CACNA2D3: variants seen among roughly 807,000 people sequenced by gnomAD.
CACNA2D3 encodes the protein calcium voltage-gated channel auxiliary subunit alpha2delta 3.
A neutral mutation model predicts 160.6 loss-of-function variants in CACNA2D3; 60 were observed. The ratio of observed to expected loss-of-function variants is 0.37; its 90% CI spans 0.30 to 0.46. The LOEUF (loss-of-function observed/expected upper bound fraction) is 0.46, where lower values mean the gene tolerates loss of function less well. Among genes scored for constraint, CACNA2D3 ranks in the 20% least tolerant of loss-of-function variants. CACNA2D3 has a pLI of 1.00. For synonymous variants in CACNA2D3, 558 were observed against 492.9 expected (o/e 1.13, Z -1.75); for missense variants, 1,205 against 1,365.0 (o/e 0.88, Z 1.85).
chr3:55,065,162 C>G (rs1328202950), intron 35 of CACNA2D3, among the ~76,000 whole-genome samples: 1 of 152,178 alleles, frequency 6.6e-6, no homozygotes, highest in Non-Finnish European at 1.5e-5. Context: ...GGATTTCTGT[C>G]CAGTGTCTTT....
chr3:54,885,258 A>G (rs781274849), intron 21 of CACNA2D3, 23 bp from the exon 22 acceptor site: 1 of 1,613,448 alleles, frequency 6.2e-7, no homozygotes, highest in South Asian at 1.1e-5. Context: ...CTTATTCATG[A>G]ACCCCTTCTC....
chr3:54,123,111 C>G (rs1312989035), intron 1 of CACNA2D3, among the ~76,000 whole-genome samples: 1 of 152,072 alleles, frequency 6.6e-6, no homozygotes, highest in East Asian at 1.9e-4. Context: ...CTTCCATGGG[C>G]CGCTGAATTT....
intron 35 of CACNA2D3, among the ~76,000 whole-genome samples, chr3:55,036,717 C>T (rs140624235): frequency 2.0e-5 from 3 of 152,032 alleles, no homozygotes; most frequent in East Asian, 3.9e-4. Flanking sequence ...CCACCCACCT[C>T]GGCTTCCCAA....
chr3:54,949,359 G>T (rs1021000242), intron 27 of CACNA2D3, among the ~76,000 whole-genome samples: 8 of 152,138 alleles, frequency 5.3e-5, no homozygotes, highest in African/African-American at 1.9e-4. Flanking sequence ...GCTGAAAAAA[G>T]GGGACATGCC....
Position 54,542,655 on chromosome 3 carries a change from G to A in CACNA2D3, c.545-20145G>A, listed in dbSNP as rs144731485. Among the ~76,000 whole-genome samples, 725 of 152,220 alleles carry A rather than the reference G, an allele frequency of 4.8e-3. 2 individuals are homozygous for A. The highest frequency in any genetic ancestry group is 7.6e-3 in the Non-Finnish European group (515 of 68,022). Reference sequence around the variant, plus strand: ...ACATGAAGGCCGGCAGACTCAGCAAGTCTACTTTTCCACCTTCTCCTGCTT... The same window carrying A: ...ACATGAAGGCCGGCAGACTCAGCAAATCTACTTTTCCACCTTCTCCTGCTT... On this transcript the variant is annotated intron_variant, in intron 5 of 37. Coordinates refer to ENST00000474759, the MANE Select transcript of CACNA2D3 (RefSeq NM_018398.3).
At chr3:54,473,100 G>A (rs1352765201) in intron 4 of CACNA2D3, among the ~76,000 whole-genome samples, 1 of 152,136 alleles carries the variant, frequency 6.6e-6, no homozygotes, top group Non-Finnish European at 1.5e-5. Context: ...AAAGAATAAA[G>A]CTGGAGGCAT....
At chr3:54,377,652 T>G (rs926790317) in intron 3 of CACNA2D3, among the ~76,000 whole-genome samples, 2 of 152,226 alleles carry the variant, frequency 1.3e-5, no homozygotes, top group African/African-American at 4.8e-5. Flanking sequence ...TCAGAGAAGT[T>G]AAGACTTGCC....
At chr3:54,976,720 T>A (rs116628754) in intron 29 of CACNA2D3, among the ~76,000 whole-genome samples, 2,638 of 152,308 alleles carry the variant, frequency 0.017, 69 homozygotes, top group African/African-American at 0.06. Flanking sequence ...GCCACTCCCC[T>A]ATTTTTGCAG....
chr3:55,061,774 G>A (rs968662275), intron 35 of CACNA2D3, among the ~76,000 whole-genome samples: 8 of 152,172 alleles, frequency 5.3e-5, no homozygotes, highest in African/African-American at 1.9e-4. Context: ...ACCCATCTCT[G>A]AACCCATTGC....
chr3:54,498,159 A>AT (rs1310218997), intron 4 of CACNA2D3, among the ~76,000 whole-genome samples: 11 of 151,242 alleles, frequency 7.3e-5, no homozygotes, highest in Non-Finnish European at 1.0e-4. Context: ...GATTGTTTGT[A>AT]TTTTTTTCTC....
At chr3:54,683,993 G>T (rs488451) in intron 11 of CACNA2D3, among the ~76,000 whole-genome samples, 28 of 138,190 alleles carry the variant, frequency 2.0e-4, no homozygotes, top group African/African-American at 7.1e-4. Context: ...TTTTTGAGAC[G>T]GAGTTTCACT....
chr3:54,164,955 TA>T (rs767777212), intron 2 of CACNA2D3, among the ~76,000 whole-genome samples: 11 of 152,148 alleles, frequency 7.2e-5, no homozygotes, highest in East Asian at 3.9e-4. Context: ...TGGGCCATGC[TA>T]GGGGGATCAG....
intron 11 of CACNA2D3, among the ~76,000 whole-genome samples, chr3:54,723,369 C>T (rs757349424): frequency 5.9e-5 from 9 of 152,290 alleles, no homozygotes; most frequent in South Asian, 4.1e-4. Flanking sequence ...ACTTGGCTCC[C>T]TGGCTTCAGC....
At chr3:54,577,076 A>G (rs1253233712) in intron 8 of CACNA2D3, among the ~76,000 whole-genome samples, 1 of 152,132 alleles carries the variant, frequency 6.6e-6, no homozygotes, top group Admixed American at 6.5e-5. Context: ...AAAGGAAAAA[A>G]GGCCTTATGT....
At chr3:54,814,973 C>G (rs1703414515) in intron 13 of CACNA2D3, among the ~76,000 whole-genome samples, 1 of 152,254 alleles carries the variant, frequency 6.6e-6, no homozygotes, top group Non-Finnish European at 1.5e-5. Context: ...TCGACACAAA[C>G]ACTTTCCTAA....
At chr3:54,620,157 G>T (rs563840562) in intron 9 of CACNA2D3, among the ~76,000 whole-genome samples, 14 of 152,238 alleles carry the variant, frequency 9.2e-5, no homozygotes, top group African/African-American at 3.4e-4. Flanking sequence ...ATCAGAATAG[G>T]GTGGACATGG....
intron 3 of CACNA2D3, among the ~76,000 whole-genome samples, chr3:54,376,910 G>A (rs1313518143): frequency 6.6e-6 from 1 of 152,124 alleles, no homozygotes; most frequent in Non-Finnish European, 1.5e-5. Context: ...AGAACAACAA[G>A]GGAATTGGAA....
intron 4 of CACNA2D3, among the ~76,000 whole-genome samples, chr3:54,488,485 G>A (rs146480672): frequency 2.1e-3 from 316 of 152,060 alleles, no homozygotes; most frequent in African/African-American, 7.3e-3. Context: ...ACAGTGGCCC[G>A]ACTAGCCTCA....
At chr3:54,572,091 AC>A (rs1436024398) in intron 8 of CACNA2D3, among the ~76,000 whole-genome samples, 1 of 144,778 alleles carries the variant, frequency 6.9e-6, no homozygotes, top group East Asian at 2.0e-4. Flanking sequence ...TAGGCGTGAC[AC>A]CCACTTGTGT....
Sources: gnomAD v4.1 joint callset for allele counts (sites outside exome capture counted in the v4.1 genomes callset) on GRCh38, gnomAD v4.1.1 for gene constraint, MANE v1.5 for transcripts, NCBI Gene and HGNC (gene_info 2026-07-23, HGNC 2026-07-21) for gene names.